Variants in ZFHX3 observed in about 807,000 individuals in gnomAD.
The protein encoded by ZFHX3 is zinc finger homeobox protein 3.
In ZFHX3, 42 loss-of-function variants were observed where a neutral mutation model predicts 279.1. The observed-to-expected ratio is 0.15, with a 90% CI of 0.12 to 0.19. ZFHX3 has a LOEUF of 0.19. Ranked by LOEUF, ZFHX3 falls within the 10% of genes least tolerant of loss-of-function variation. The probability of loss-of-function intolerance (pLI) is 1.00; values close to 1 mark genes in which losing one functional copy is unlikely to be tolerated. For synonymous variants in ZFHX3, 2,293 were observed against 1,957.8 expected (o/e 1.17, Z -4.52); for missense variants, 4,981 against 4,754.0 (o/e 1.05, Z -1.40).
chr16:72,800,638 A>G (rs1378850721), intron 7 of ZFHX3, among the ~76,000 whole-genome samples: 1 of 152,222 alleles, frequency 6.6e-6, no homozygotes, highest in African/African-American at 2.4e-5. Context: ...AGAAAAGAAG[A>G]GAACAAAGGG....
chr16:73,373,835 T>A (rs917379091), intron 3 of ZFHX3, among the ~76,000 whole-genome samples: 5 of 152,178 alleles, frequency 3.3e-5, no homozygotes, highest in African/African-American at 1.2e-4. Context: ...AAATTTTGAG[T>A]TAACCCTTCA....
At chr16:72,813,330 T>G (rs916883731) in intron 5 of ZFHX3, among the ~76,000 whole-genome samples, 2 of 152,260 alleles carry the variant, frequency 1.3e-5, no homozygotes, top group African/African-American at 2.4e-5. Flanking sequence ...TGTCTAGTTA[T>G]CTGGCATATA....
At chr16:73,444,792 T>C (rs2018152786) in intron 3 of ZFHX3, among the ~76,000 whole-genome samples, 1 of 152,070 alleles carries the variant, frequency 6.6e-6, no homozygotes. Context: ...GTTTATTCTG[T>C]ATGTGCCACC....
intron 1 of ZFHX3, among the ~76,000 whole-genome samples, chr16:73,834,960 C>G (rs1961099175): frequency 6.6e-6 from 1 of 152,122 alleles, no homozygotes; most frequent in Admixed American, 6.5e-5. Context: ...CAAATGTGAC[C>G]TAGGCAAGAT....
chr16:73,646,453 G>C (rs180989056), intron 2 of ZFHX3, among the ~76,000 whole-genome samples: 2 of 152,002 alleles, frequency 1.3e-5, no homozygotes, highest in African/African-American at 4.8e-5. Context: ...TAAAAAGATA[G>C]AAAGAGAAGA....
At chr16:73,772,919 C>A (rs2054034885) in intron 1 of ZFHX3, among the ~76,000 whole-genome samples, 1 of 152,190 alleles carries the variant, frequency 6.6e-6, no homozygotes, top group Non-Finnish European at 1.5e-5. Context: ...CTGCCACTAC[C>A]TGCAGAGATC....
intron 4 of ZFHX3, among the ~76,000 whole-genome samples, chr16:73,285,812 C>T (rs771977367): frequency 4.6e-5 from 7 of 152,120 alleles, no homozygotes; most frequent in African/African-American, 9.7e-5. Context: ...GGGTTTTTGG[C>T]TGTTGTTTTT....
At chr16:73,780,467 G>A (rs925498932) in intron 1 of ZFHX3, among the ~76,000 whole-genome samples, 22 of 148,004 alleles carry the variant, frequency 1.5e-4, no homozygotes, top group African/African-American at 4.5e-4. Context: ...TTTTAAGACA[G>A]AGTCTCACTC....
At chr16:73,286,321 A>T (rs2014595135) in intron 4 of ZFHX3, among the ~76,000 whole-genome samples, 1 of 152,240 alleles carries the variant, frequency 6.6e-6, no homozygotes, top group South Asian at 2.1e-4. Flanking sequence ...TCATCAAGCA[A>T]AGTAACCTTG....
intron 4 of ZFHX3, among the ~76,000 whole-genome samples, chr16:73,290,083 A>G (rs2143095045): frequency 6.6e-6 from 1 of 151,956 alleles, no homozygotes; most frequent in African/African-American, 2.4e-5. Flanking sequence ...TAAGAACATA[A>G]GCTCATTTCT....
chr16:72,875,507 G>T (rs907562230), intron 4 of ZFHX3, among the ~76,000 whole-genome samples: 2 of 152,204 alleles, frequency 1.3e-5, no homozygotes, highest in African/African-American at 4.8e-5. Context: ...TGCTCACACG[G>T]CTAAGTTGAA....
At chr16:73,285,347 G>C (rs1017285196) in intron 4 of ZFHX3, among the ~76,000 whole-genome samples, 1 of 152,204 alleles carries the variant, frequency 6.6e-6, no homozygotes, top group Non-Finnish European at 1.5e-5. Flanking sequence ...ATCCCATTGG[G>C]ACCATTACTA....
intron 2 of ZFHX3, among the ~76,000 whole-genome samples, chr16:73,557,186 G>A (rs770160116): frequency 9.9e-5 from 15 of 151,848 alleles, no homozygotes; most frequent in Admixed American, 5.2e-4. Context: ...CCATGGTGTG[G>A]CCGGGCCTTT....
intron 2 of ZFHX3, among the ~76,000 whole-genome samples, chr16:73,653,316 C>G (rs187958284): frequency 6.6e-6 from 1 of 152,114 alleles, no homozygotes; most frequent in Admixed American, 6.5e-5. Context: ...AGAACACTTA[C>G]AAAAATTCAC....
At chr16:73,538,698 G>A (rs1043787724) in intron 2 of ZFHX3, among the ~76,000 whole-genome samples, 2 of 152,126 alleles carry the variant, frequency 1.3e-5, no homozygotes, top group Admixed American at 6.5e-5. Context: ...TAATACAGCG[G>A]AGACATGAGA....
chr16:73,733,991 G>A (rs2053589400), intron 1 of ZFHX3, among the ~76,000 whole-genome samples: 1 of 152,140 alleles, frequency 6.6e-6, no homozygotes, highest in Admixed American at 6.6e-5. Context: ...CCATGGATTG[G>A]GAGGTGGGGG....
chr16:73,759,428 C>A (rs1367059776), intron 1 of ZFHX3, among the ~76,000 whole-genome samples: 1 of 152,118 alleles, frequency 6.6e-6, no homozygotes, highest in Non-Finnish European at 1.5e-5. Context: ...AGTCACATGA[C>A]CATACCTAGC....
At chr16:73,745,503 G>A (rs577515371) in intron 1 of ZFHX3, among the ~76,000 whole-genome samples, 56 of 152,318 alleles carry the variant, frequency 3.7e-4, no homozygotes, top group Non-Finnish European at 6.9e-4. Flanking sequence ...GAAGATAATA[G>A]GGAGAGGTGA....
In ZFHX3 at chr16:73,166,099, A is replaced by G. The variant is rs190859262; in HGVS notation, c.-1103-22268T>C. On this transcript the variant is annotated intron_variant, in intron 5 of 17. Transcript: ENST00000641206. ...AGATATTCTCCCCAAATTAGGGGCA[A>G]TATAGAGAGTCGCATTGGACCTAAG... Among the ~76,000 whole-genome samples, 8 of 152,332 alleles carry G rather than the reference A, an allele frequency of 5.3e-5. No individual in the cohort carries two copies. In the East Asian group the frequency reaches 1.5e-3, roughly 29 times the overall value.
Sources: gnomAD v4.1 joint callset for allele counts (sites outside exome capture counted in the v4.1 genomes callset) on GRCh38, gnomAD v4.1.1 for gene constraint, MANE v1.5 for transcripts, NCBI Gene and HGNC (gene_info 2026-07-23, HGNC 2026-07-21) for gene names.